Variants in TRMT10B observed in about 807,000 individuals in gnomAD.
TRMT10B encodes the protein tRNA methyltransferase 10 homolog B.
A neutral mutation model predicts 43.8 loss-of-function variants in TRMT10B; 33 were observed. That is an observed-to-expected ratio of 0.75 (90% CI 0.57 to 1.01). The LOEUF (loss-of-function observed/expected upper bound fraction) is 1.01, where lower values mean the gene tolerates loss of function less well. TRMT10B is among the 50% of genes least tolerant of loss of function. The pLI is 0.00. For synonymous variants in TRMT10B, 137 were observed against 130.6 expected (o/e 1.05, Z -0.34); for missense variants, 362 against 369.8 (o/e 0.98, Z 0.17).
intron 5 of TRMT10B, among the ~76,000 whole-genome samples, chr9:37,768,798 G>T (rs374535239): frequency 6.6e-6 from 1 of 152,170 alleles, no homozygotes; most frequent in South Asian, 2.1e-4. Context: ...GCATTGCGCG[G>T]GGCTGCACAG....
intron 1 of TRMT10B, among the ~76,000 whole-genome samples, chr9:37,756,516 GC>G (rs1297316813): frequency 6.6e-6 from 1 of 151,888 alleles, no homozygotes; most frequent in Non-Finnish European, 1.5e-5. Flanking sequence ...GACCAGCCTG[GC>G]CAACTTGGTG....
intron 6 of TRMT10B, 68 bp downstream of exon 6, chr9:37,770,087 A>AT: frequency 7.1e-7 from 1 of 1,408,712 alleles, no homozygotes; most frequent in Admixed American, 1.7e-5. Flanking sequence ...CTGTGGCAGA[A>AT]TTTATTAAAG....
intron 1 of TRMT10B, among the ~76,000 whole-genome samples, chr9:37,760,714 G>C (rs965676164): frequency 6.6e-6 from 1 of 152,186 alleles, no homozygotes; most frequent in Non-Finnish European, 1.5e-5. Flanking sequence ...TAGGAGTGTG[G>C]ATTGTTACTT....
intron 7 of TRMT10B, among the ~76,000 whole-genome samples, chr9:37,774,803 T>G (rs545281372): frequency 6.6e-6 from 1 of 152,348 alleles, no homozygotes; most frequent in East Asian, 1.9e-4. Context: ...CTATTCCACC[T>G]GGTTAGACCA....
intron 7 of TRMT10B, 40 bp from the exon 8 acceptor site, chr9:37,776,242 A>G: frequency 1.4e-6 from 2 of 1,405,542 alleles, no homozygotes; most frequent in Non-Finnish European, 9.3e-7. Context: ...ATACTCATGT[A>G]TAATTTTTAT....
At position 37,768,195 on chromosome 9, in the gene TRMT10B, T is replaced by C; in HGVS notation, c.540T>C (p.Cys180=). ...CAGACAGTCCCCTTTATGAAGAGTGTGTGAGGATGAATGATGGATTTTCTA... is the reference window on the plus strand; with the variant it reads ...CAGACAGTCCCCTTTATGAAGAGTGCGTGAGGATGAATGATGGATTTTCTA... ...FTTDSPLYEE[C]VRMNDGFSSY... is the part of the protein sequence containing the mutation. Residue 180 remains cysteine, a synonymous_variant, in exon 5 of 9, where the codon TGT becomes TGC. Coordinates refer to ENST00000297994, the MANE Select transcript of TRMT10B (RefSeq NM_144964.4). The C allele has an allele frequency of 1.9e-6, 3 of 1,613,848 alleles. No individual in the cohort carries two copies. Among genetic ancestry groups the C allele is most frequent in the Non-Finnish European group, 2.5e-6 (3 of 1,179,838 alleles).
rs1035956088 is a variant in TRMT10B, at chr9:37,773,925, T to A, written c.721-2357T>A. Among the ~76,000 whole-genome samples the A allele has an allele frequency of 2.1e-5, 3 of 142,284 alleles. No homozygotes were observed. The East Asian group carries it at 6.4e-4, about 30-fold the overall frequency. The allele number at this position is 142,284 out of a possible 152,430, so 93.3% of individuals were successfully genotyped here. A position where few individuals can be genotyped will look rare whatever the true frequency, so the allele number is the denominator to read the frequency against. On this transcript the variant is annotated intron_variant, in intron 7 of 8. Coordinates refer to ENST00000297994, the MANE Select transcript of TRMT10B (RefSeq NM_144964.4). ...GTGGTCACACCACTGCACTTCAGCC[T>A]GGGTGATGCAACACAGTGAGACCCT...
At chr9:37,769,186 T>C (rs916664621) in intron 5 of TRMT10B, among the ~76,000 whole-genome samples, 1 of 151,806 alleles carries the variant, frequency 6.6e-6, no homozygotes, top group Admixed American at 6.6e-5. Flanking sequence ...TGCGCGCCTG[T>C]AGTCCCAGCT....
At chr9:37,770,502 CTGTT>C (rs1827452741) in intron 6 of TRMT10B, among the ~76,000 whole-genome samples, 166 bp from the exon 7 acceptor site, 1 of 152,136 alleles carries the variant, frequency 6.6e-6, no homozygotes, top group Non-Finnish European at 1.5e-5. Context: ...AACAGTTTGT[CTGTT>C]TTATTGGCCA....
At chr9:37,753,361 C>G, upstream of TRMT10B, among the ~76,000 whole-genome samples, 1 of 152,308 alleles carries the variant, frequency 6.6e-6, no homozygotes, top group South Asian at 2.1e-4. Flanking sequence ...CTAAACTCCG[C>G]AAGGGATGGG....
intron 5 of TRMT10B, among the ~76,000 whole-genome samples, chr9:37,769,202 G>C (rs1380803473): frequency 1.3e-5 from 2 of 150,888 alleles, no homozygotes; most frequent in East Asian, 3.9e-4. Flanking sequence ...CAGCTACTCA[G>C]GAGGCTGAGG....
chr9:37,761,863 G>T, intron 1 of TRMT10B, 40 bp from the exon 2 acceptor site: 1 of 1,417,858 alleles, frequency 7.1e-7, no homozygotes, highest in East Asian at 2.3e-5. Context: ...CTATGTTAGT[G>T]AAATAATGTA....
At chr9:37,756,634 T>G (rs1825710346) in intron 1 of TRMT10B, among the ~76,000 whole-genome samples, 1 of 151,644 alleles carries the variant, frequency 6.6e-6, no homozygotes, top group South Asian at 2.1e-4. Flanking sequence ...TGAACCTGGG[T>G]GGCAGAGGTT....
chr9:37,756,816 ATATGTGTG>A lies in TRMT10B; in HGVS notation c.-30+2969_-30+2976del, dbSNP rs1345672985. Reference sequence around the variant, plus strand: ...CATGTGTATGTGTATATATGTGTGCATATGTGTGTATGCGTGTGTATGTATGTGTGTAT... The same window carrying A: ...CATGTGTATGTGTATATATGTGTGCATATGCGTGTGTATGTATGTGTGTAT... On this transcript the variant is annotated intron_variant, in intron 1 of 8. Transcript: ENST00000297994. 4.4e-4 allele frequency among the ~76,000 whole-genome samples: 63 copies of A among 142,282 alleles called. 1 individual carries two copies. Among genetic ancestry groups the A allele is most frequent in the South Asian group, 1.8e-3 (8 of 4,448 alleles). 93.3% of individuals were successfully genotyped at this position (142,282 alleles called of 152,430 possible). A position where few individuals can be genotyped will look rare whatever the true frequency, so the allele number is the denominator to read the frequency against.
intron 4 of TRMT10B, among the ~76,000 whole-genome samples, chr9:37,764,598 A>AT (rs898401086): frequency 2.0e-5 from 3 of 151,406 alleles, no homozygotes; most frequent in African/African-American, 7.3e-5. Flanking sequence ...TTTTTTTTCT[A>AT]TTTTTAGTAG....
At chr9:37,773,274 ATTTTTT>A (rs3076727) in intron 7 of TRMT10B, among the ~76,000 whole-genome samples, 19,337 of 144,862 alleles carry the variant, frequency 0.13, 1,389 homozygotes, top group Non-Finnish European at 0.17. Flanking sequence ...TGGCCAGCTA[ATTTTTT>A]TTTTTTTTTT....
At chr9:37,771,895 A>G (rs2118891115) in intron 7 of TRMT10B, among the ~76,000 whole-genome samples, 1 of 149,086 alleles carries the variant, frequency 6.7e-6, no homozygotes, top group South Asian at 2.1e-4. Flanking sequence ...TTTTCTTTTG[A>G]AGCAGGGCCT....
chr9:37,770,543 T>C, intron 6 of TRMT10B, 129 bp from the exon 7 acceptor site: 1 of 870,104 alleles, frequency 1.1e-6, no homozygotes, highest in Non-Finnish European at 1.7e-6. Context: ...TTTGGTTTTA[T>C]TGAGCAAGTT....
intron 7 of TRMT10B, 110 bp from the exon 8 acceptor site, chr9:37,776,172 T>G (rs1828117370): frequency 1.1e-6 from 1 of 932,312 alleles, no homozygotes; most frequent in Non-Finnish European, 1.5e-6. Context: ...ACTCATTATC[T>G]GCAGTTTCTT....
Sources: gnomAD v4.1 joint callset for allele counts (sites outside exome capture counted in the v4.1 genomes callset) on GRCh38, gnomAD v4.1.1 for gene constraint, MANE v1.5 for transcripts, NCBI Gene and HGNC (gene_info 2026-07-23, HGNC 2026-07-21) for gene names.